The following FNDC3B variants were observed in gnomAD, a reference collection of about 807,000 sequenced individuals.
FNDC3B encodes fibronectin type III domain-containing protein 3B.
In FNDC3B, 12 loss-of-function variants were observed where a neutral mutation model predicts 151.5. That is an observed-to-expected ratio of 0.08 (90% CI 0.05 to 0.13). The LOEUF is 0.13. Among genes scored for constraint, FNDC3B ranks in the 10% least tolerant of loss-of-function variants. The pLI, the probability that FNDC3B is intolerant of heterozygous loss-of-function variation, is 1.00. For missense variants in FNDC3B, 1,214 were observed against 1,505.3 expected, an observed-to-expected ratio of 0.81 and a Z score of 3.20; for synonymous variants, 528 against 549.0, an observed-to-expected ratio of 0.96 and a Z score of 0.54.
intron 15 of FNDC3B, among the ~76,000 whole-genome samples, chr3:172,336,890 G>A (rs1355836252): frequency 7.1e-6 from 1 of 140,786 alleles, no homozygotes; most frequent in Non-Finnish European, 1.5e-5. Flanking sequence ...GCAACAGAGC[G>A]AAACTCCATC....
At chr3:172,119,746 T>A (rs2108551979) in intron 2 of FNDC3B, among the ~76,000 whole-genome samples, 1 of 152,314 alleles carries the variant, frequency 6.6e-6, no homozygotes, top group South Asian at 2.1e-4. Context: ...CTACTTAGTG[T>A]CTTTGTTAGT....
At chr3:172,096,359 T>C (rs1048751395) in intron 1 of FNDC3B, among the ~76,000 whole-genome samples, 1 of 152,250 alleles carries the variant, frequency 6.6e-6, no homozygotes, top group African/African-American at 2.4e-5. Context: ...GTCTTCATAA[T>C]GGATTTAAAT....
At chr3:172,346,545 ATTTTT>A in intron 20 of FNDC3B, 105 bp downstream of exon 20, 1 of 448,008 alleles carries the variant, frequency 2.2e-6, no homozygotes. Context: ...CATATAGATG[ATTTTT>A]TTTTTTTTTT....
At position 172,307,364 on chromosome 3, in the gene FNDC3B, G is replaced by A; in HGVS notation, c.1063G>A (p.Val355Met). 1 of 1,614,052 alleles carries A rather than the reference G, an allele frequency of 6.2e-7. No individual in the cohort carries two copies. The highest frequency in any genetic ancestry group is 1.3e-5 in the African/African-American group (1 of 75,004). The change falls in exon 10 of 26, where the codon GTG becomes ATG. Residue 355 changes from valine (V) to methionine (M), a missense_variant and splice_region_variant. Physicochemically the swap from Val to Met is conservative, Grantham distance 21. This residue lies in a region of FNDC3B where 156 missense variants were observed against 225.3 expected (regional missense o/e 0.69). Transcript: ENST00000415807. ...TGACTGTGTCTGTTTTGTTTTCAGG[G>A]TGTATGCCATGTACAATTCCGTAAA... Reference protein sequence around the residue: ...LRPATDYHVRVYAMYNSVKGS... With the variant: ...LRPATDYHVRMYAMYNSVKGS...
intron 1 of FNDC3B, among the ~76,000 whole-genome samples, chr3:172,086,359 T>TC (rs1180549239): frequency 8.9e-5 from 7 of 78,830 alleles, no homozygotes; most frequent in African/African-American, 2.1e-4. Flanking sequence ...GACCTGATCT[T>TC]TAAAAAAAAA....
At chr3:172,272,297 T>C (rs1469250455) in intron 6 of FNDC3B, among the ~76,000 whole-genome samples, 1 of 152,216 alleles carries the variant, frequency 6.6e-6, no homozygotes, top group Admixed American at 6.5e-5. Context: ...TTGGGTATTG[T>C]CTGTGTAGAA....
In FNDC3B at chr3:172,298,762, A is replaced by C. The variant is rs751966252; in HGVS notation, c.1036A>C (p.Arg346=). Reference sequence around the variant, plus strand: ...ATTAGAATGTAACCTGAAAGATCTTAGACCAGCAACAGATTATCATGTGAG... The same window carrying C: ...ATTAGAATGTAACCTGAAAGATCTTCGACCAGCAACAGATTATCATGTGAG... ...EELECNLKDL[R]PATDYHVRVY... The change falls in exon 9 of 26, where the codon AGA becomes CGA. Residue 346 remains arginine (R), a synonymous_variant. Transcript: ENST00000415807. 12 of 1,608,916 alleles carry C rather than the reference A, an allele frequency of 7.5e-6. No homozygotes were observed. Among genetic ancestry groups the C allele is most frequent in the Non-Finnish European group, 1.0e-5 (12 of 1,177,880 alleles).
chr3:172,278,509 AAC>A (rs894470252), intron 6 of FNDC3B, among the ~76,000 whole-genome samples: 1 of 152,212 alleles, frequency 6.6e-6, no homozygotes, highest in Non-Finnish European at 1.5e-5. Context: ...ACAGTTCAAA[AAC>A]ACAGGGAAGA....
chr3:172,124,043 C>T (rs987101523), intron 2 of FNDC3B, among the ~76,000 whole-genome samples: 2 of 152,082 alleles, frequency 1.3e-5, no homozygotes, highest in Non-Finnish European at 1.5e-5. Context: ...GTGGTTTACT[C>T]GGGATGAGAG....
At chr3:172,310,985 A>G in intron 11 of FNDC3B, 104 bp downstream of exon 11, 1 of 828,058 alleles carries the variant, frequency 1.2e-6, no homozygotes, top group Non-Finnish European at 2.1e-6. Context: ...AAACACAGAA[A>G]AAAGGAATGC....
At chr3:172,098,195 G>A (rs1719185508) in intron 1 of FNDC3B, among the ~76,000 whole-genome samples, 1 of 152,104 alleles carries the variant, frequency 6.6e-6, no homozygotes, top group Admixed American at 6.5e-5. Context: ...TAAAGAACCA[G>A]GTTGTACTTC....
At chr3:172,093,074 T>G (rs1718919489) in intron 1 of FNDC3B, among the ~76,000 whole-genome samples, 1 of 152,108 alleles carries the variant, frequency 6.6e-6, no homozygotes, top group African/African-American at 2.4e-5. Flanking sequence ...CACCTTGGCC[T>G]CCCAAAGTGC....
chr3:172,249,436 G>A (rs1357614497), intron 5 of FNDC3B, among the ~76,000 whole-genome samples: 1 of 152,102 alleles, frequency 6.6e-6, no homozygotes, highest in Non-Finnish European at 1.5e-5. Flanking sequence ...AATAATGTAT[G>A]CAAATAAAAA....
At chr3:172,064,686 G>C (rs112817959) in intron 1 of FNDC3B, among the ~76,000 whole-genome samples, 18 of 152,312 alleles carry the variant, frequency 1.2e-4, no homozygotes, top group African/African-American at 4.3e-4. Context: ...TATGCTCCAG[G>C]GGAAGATTAT....
At chr3:172,115,592 C>T (rs958352240) in intron 2 of FNDC3B, among the ~76,000 whole-genome samples, 13 of 152,158 alleles carry the variant, frequency 8.5e-5, no homozygotes, top group African/African-American at 3.1e-4. Context: ...TTTTACTGTG[C>T]TTTCTCACTG....
At chr3:172,093,448 A>T (rs531665474) in intron 1 of FNDC3B, among the ~76,000 whole-genome samples, 1 of 151,640 alleles carries the variant, frequency 6.6e-6, no homozygotes, top group Non-Finnish European at 1.5e-5. Context: ...TTAGTAGAGA[A>T]GGGGTTTCAT....
chr3:172,369,780 T>A (rs1285537082), intron 23 of FNDC3B, among the ~76,000 whole-genome samples: 1 of 152,220 alleles, frequency 6.6e-6, no homozygotes, highest in Non-Finnish European at 1.5e-5. Flanking sequence ...TGATGCCATC[T>A]GCTTCTCCAT....
intron 4 of FNDC3B, among the ~76,000 whole-genome samples, chr3:172,242,818 C>T (rs1055651509): frequency 2.0e-5 from 3 of 152,216 alleles, no homozygotes; most frequent in Non-Finnish European, 4.4e-5. Context: ...TTGAATTTCT[C>T]CTCAGAAAAT....
intron 3 of FNDC3B, among the ~76,000 whole-genome samples, chr3:172,153,642 A>G (rs1722342698): frequency 6.6e-6 from 1 of 152,228 alleles, no homozygotes; most frequent in Admixed American, 6.5e-5. Flanking sequence ...CACCTTTCTT[A>G]TAGGAAGGAA....
Sources: allele counts gnomAD v4.1 joint callset (sites outside exome capture counted in the v4.1 genomes callset), GRCh38; gene constraint gnomAD v4.1.1; regional missense constraint gnomAD v4.1.1; transcripts MANE v1.5; gene names NCBI Gene and HGNC (gene_info 2026-07-23, HGNC 2026-07-21).